MAP1B: variants seen among roughly 807,000 people sequenced by gnomAD.
The protein encoded by MAP1B is microtubule-associated protein 1B.
A neutral mutation model predicts 176.1 loss-of-function variants in MAP1B; 12 were observed. That is an observed-to-expected ratio of 0.07 (90% CI 0.04 to 0.11). The LOEUF is 0.11. MAP1B is among the 10% of genes least tolerant of loss of function. MAP1B has a pLI of 1.00. For missense variants in MAP1B, 2,523 were observed against 2,990.5 expected (o/e 0.84, Z 3.65); for synonymous variants, 1,044 against 1,135.0 (o/e 0.92, Z 1.61).
Position 72,197,542 on chromosome 5 carries a change from C to T in MAP1B, c.4187C>T (p.Ser1396Phe), listed in dbSNP as rs370605994. 6.2e-7 allele frequency: 1 copy of T among 1,614,156 alleles called. No individual in the cohort carries two copies. The highest frequency in any genetic ancestry group is 1.1e-5 in the South Asian group (1 of 91,078). Residue 1396 changes from serine to phenylalanine, a missense_variant, in exon 5 of 7, where the codon TCT becomes TTT. Physicochemically the swap from Ser to Phe is radical, Grantham distance 155 (BLOSUM62 -2). Around this residue, in one of 4 missense-constraint regions of MAP1B, gnomAD observed 1,925 missense variants for 2,126.0 expected, o/e 0.91. Transcript: ENST00000296755. Reference sequence around the variant, plus strand: ...GAGTCTCCTATTGAAAAAGTTTTGTCTCCTTTACGCAGCCCGCCCCTCATT... The same window carrying T: ...GAGTCTCCTATTGAAAAAGTTTTGTTTCCTTTACGCAGCCCGCCCCTCATT... ...DSESPIEKVL[S>F]PLRSPPLIGS... is the part of the protein sequence containing the mutation.
chr5:72,119,329 G>A lies in MAP1B; in HGVS notation c.286+3530G>A, dbSNP rs138613626. The stretch of plus-strand genomic sequence containing the variant: ...AACCTTTGCTGTGTGCCCAGGGCAG[G>A]TCTCTGCTGATTTGCCTTGATGTAA... On this transcript the variant is annotated intron_variant, in intron 2 of 6. Coordinates refer to ENST00000296755, the MANE Select transcript of MAP1B (RefSeq NM_005909.5). 5.2e-3 allele frequency among the ~76,000 whole-genome samples: 797 copies of A among 152,328 alleles called. 4 individuals are homozygous for A. The highest frequency in any genetic ancestry group is 0.017 in the Middle Eastern group (5 of 294).
At position 72,192,888 on chromosome 5, in the gene MAP1B, A is replaced by G. The variant is rs375651243; in HGVS notation, c.511-978A>G. Among the ~76,000 whole-genome samples, 4 of 152,318 alleles carry G rather than the reference A, an allele frequency of 2.6e-5. No homozygotes were observed. In the South Asian group the frequency reaches 6.2e-4, roughly 24 times the overall value. On this transcript the variant is annotated intron_variant, in intron 4 of 6. Coordinates refer to ENST00000296755, the MANE Select transcript of MAP1B (RefSeq NM_005909.5). The stretch of plus-strand genomic sequence containing the variant: ...CAAGTAGTGTTTTTATTAAACCACA[A>G]TTTCTGTTTTGGTCCTGATTTGCTT...
At chr5:72,119,449 T>C (rs1156518398) in intron 2 of MAP1B, among the ~76,000 whole-genome samples, 2 of 152,262 alleles carry the variant, frequency 1.3e-5, no homozygotes, top group African/African-American at 4.8e-5. Context: ...TCTAATCTTT[T>C]ACTCAAAGGA....
intron 2 of MAP1B, among the ~76,000 whole-genome samples, chr5:72,137,673 T>C (rs141104813): frequency 6.6e-6 from 1 of 152,342 alleles, no homozygotes; most frequent in Non-Finnish European, 1.5e-5. Flanking sequence ...TAAAACAAAG[T>C]ACAGGCTCCT....
intron 2 of MAP1B, among the ~76,000 whole-genome samples, chr5:72,168,876 T>G (rs1746482834): frequency 1.3e-5 from 2 of 152,268 alleles, no homozygotes; most frequent in South Asian, 4.1e-4. Flanking sequence ...AACAAATCTC[T>G]GTTTGTTAAG....
intron 2 of MAP1B, among the ~76,000 whole-genome samples, chr5:72,161,317 G>A (rs772208305): frequency 5.9e-5 from 9 of 152,222 alleles, no homozygotes; most frequent in Non-Finnish European, 8.8e-5. Flanking sequence ...CTGCCATTGA[G>A]AAATGGAATC....
intron 2 of MAP1B, among the ~76,000 whole-genome samples, chr5:72,152,915 C>A (rs984592948): frequency 2.0e-5 from 3 of 152,108 alleles, no homozygotes; most frequent in African/African-American, 7.2e-5. Flanking sequence ...GTCTGCTGGG[C>A]CTGCTGGAAC....
At chr5:72,137,252 A>G (rs1579990354) in intron 2 of MAP1B, among the ~76,000 whole-genome samples, 1 of 152,182 alleles carries the variant, frequency 6.6e-6, no homozygotes, top group African/African-American at 2.4e-5. Context: ...AGTGAATTCA[A>G]TGACCTATTG....
chr5:72,112,778 TG>T (rs1745367018), intron 1 of MAP1B, among the ~76,000 whole-genome samples: 2 of 152,214 alleles, frequency 1.3e-5, no homozygotes, highest in Non-Finnish European at 2.9e-5. Flanking sequence ...TGCCCCCACC[TG>T]GGTAAGCCCA....
rs1241942315 is a variant in MAP1B, at chr5:72,198,772, C to T, written c.5417C>T (p.Ala1806Val). Residue 1806 changes from alanine (A) to valine (V), a missense_variant, in exon 5 of 7, where the codon GCA becomes GTA. Physicochemically the swap from Ala to Val is moderately conservative, Grantham distance 64. Coordinates refer to ENST00000296755, the MANE Select transcript of MAP1B (RefSeq NM_005909.5). ...CCTACTTTTTCAGATTCTACCTCTG[C>T]AGTCAAAGAGAAAACAGCAACTTGC... is the stretch of plus-strand genomic sequence containing the variant. ...YSPTFSDSTS[A>V]VKEKTATCHS... 1 of 1,614,218 alleles carries T rather than the reference C, an allele frequency of 6.2e-7. No homozygotes were observed. The highest frequency in any genetic ancestry group is 8.5e-7 in the Non-Finnish European group (1 of 1,180,034).
chr5:72,120,329 G>A (rs1387165725), intron 2 of MAP1B, among the ~76,000 whole-genome samples: 2 of 151,910 alleles, frequency 1.3e-5, no homozygotes, highest in African/African-American at 4.8e-5. Context: ...TTAACCCCAC[G>A]GTTTATTTGC....
chr5:72,180,622 T>G (rs1746745319), intron 2 of MAP1B, among the ~76,000 whole-genome samples: 1 of 152,240 alleles, frequency 6.6e-6, no homozygotes, highest in Non-Finnish European at 1.5e-5. Context: ...CTGTGGTTTA[T>G]TCTTCTTAAG....
At chr5:72,157,512 G>A (rs1040423222) in intron 2 of MAP1B, among the ~76,000 whole-genome samples, 6 of 152,210 alleles carry the variant, frequency 3.9e-5, no homozygotes, top group African/African-American at 1.4e-4. Flanking sequence ...GATGGAGATG[G>A]GATTCCCGGG....
intron 2 of MAP1B, among the ~76,000 whole-genome samples, chr5:72,122,363 G>A (rs577315192): frequency 3.3e-5 from 5 of 152,170 alleles, no homozygotes; most frequent in East Asian, 3.9e-4. Context: ...CTTTTCTAGC[G>A]GTGAAAGAGC....
chr5:72,157,284 C>T (rs1746244504), intron 2 of MAP1B, among the ~76,000 whole-genome samples: 1 of 152,178 alleles, frequency 6.6e-6, no homozygotes, highest in Non-Finnish European at 1.5e-5. Flanking sequence ...AGCTGAGAGG[C>T]CCTGTAAGTG....
At chr5:72,145,519 C>A (rs1035407554) in intron 2 of MAP1B, among the ~76,000 whole-genome samples, 5 of 152,134 alleles carry the variant, frequency 3.3e-5, no homozygotes, top group African/African-American at 9.7e-5. Flanking sequence ...AGTGCTAATG[C>A]TTTGTCATTC....
chr5:72,199,303 T>C lies in MAP1B; in HGVS notation c.5948T>C (p.Leu1983Pro), dbSNP rs1276802065. The change falls in exon 5 of 7, where the codon CTT becomes CCT. Residue 1983 changes from leucine to proline, a missense_variant. Transcript: ENST00000296755. This position sits in a 1 kb window ranked among gnomAD's most constrained non-coding sequence, Gnocchi z 4.2. ...GAAAAGACTGAGAGGTCTAGAAGGCTTCTGGATGACATCAGCAATGGCTAT... is the reference window on the plus strand; with the variant it reads ...GAAAAGACTGAGAGGTCTAGAAGGCCTCTGGATGACATCAGCAATGGCTAT... ...SYEKTERSRR[L>P]LDDISNGYDD... 2 of 1,614,116 alleles carry C rather than the reference T, an allele frequency of 1.2e-6. No individual in the cohort carries two copies. The highest frequency in any genetic ancestry group is 4.5e-5 in the East Asian group (2 of 44,880).
At chr5:72,173,664 A>G (rs1439328810) in intron 2 of MAP1B, among the ~76,000 whole-genome samples, 1 of 152,202 alleles carries the variant, frequency 6.6e-6, no homozygotes, top group Non-Finnish European at 1.5e-5. Context: ...TAATTCCCAG[A>G]TCCATATCTC....
chr5:72,116,656 C>T (rs1745443488), intron 2 of MAP1B, among the ~76,000 whole-genome samples: 1 of 152,154 alleles, frequency 6.6e-6, no homozygotes, highest in Non-Finnish European at 1.5e-5. Flanking sequence ...CATAAAGACT[C>T]CAAACCTGGA....
Sources: gnomAD v4.1 joint callset for allele counts (sites outside exome capture counted in the v4.1 genomes callset) on GRCh38, gnomAD v4.1.1 for gene constraint, gnomAD v4.1.1 regional missense constraint, Gnocchi (gnomAD v3.1) non-coding constraint, MANE v1.5 for transcripts, NCBI Gene and HGNC (gene_info 2026-07-23, HGNC 2026-07-21) for gene names.